Variants in ROBO2 observed in about 807,000 individuals in gnomAD.
ROBO2 encodes the protein roundabout guidance receptor 2.
Under a neutral mutation model 160.8 loss-of-function variants are expected in ROBO2, and 53 were observed. The observed-to-expected ratio is 0.33, with a 90% CI of 0.26 to 0.41. The LOEUF (loss-of-function observed/expected upper bound fraction) is 0.41. Ranked by LOEUF, ROBO2 falls within the 10% of genes least tolerant of loss-of-function variation. The pLI, the probability that ROBO2 is intolerant of heterozygous loss-of-function variation, is 1.00. For synonymous variants in ROBO2, 664 were observed against 611.7 expected (o/e 1.09, Z -1.26); for missense variants, 1,577 against 1,722.4 (o/e 0.92, Z 1.49).
At chr3:76,273,146 T>TATATATATATATATAC (rs1445165261) in intron 2 of ROBO2, among the ~76,000 whole-genome samples, 2 of 127,688 alleles carry the variant, frequency 1.6e-5, no homozygotes, top group African/African-American at 6.1e-5. Context: ...TATATATATA[T>TATATATATATATATAC]ACACATTTCT....
chr3:77,566,359 A>G (rs1261893891), intron 12 of ROBO2, among the ~76,000 whole-genome samples: 2 of 152,108 alleles, frequency 1.3e-5, no homozygotes, highest in African/African-American at 2.4e-5. Context: ...AAAAAGCACA[A>G]CAAGGAATTT....
At chr3:76,254,357 A>G (rs1426975302) in intron 2 of ROBO2, among the ~76,000 whole-genome samples, 1 of 152,108 alleles carries the variant, frequency 6.6e-6, no homozygotes, top group Non-Finnish European at 1.5e-5. Flanking sequence ...AGGCAGCAAA[A>G]GCTATTTGAT....
At chr3:76,701,345 T>C (rs938382475) in intron 2 of ROBO2, among the ~76,000 whole-genome samples, 2 of 152,104 alleles carry the variant, frequency 1.3e-5, no homozygotes, top group Admixed American at 6.6e-5. Context: ...AGTATGTTAG[T>C]GGCTTTTCAA....
intron 17 of ROBO2, among the ~76,000 whole-genome samples, chr3:77,590,542 T>C (rs539612684): frequency 7.9e-5 from 12 of 152,284 alleles, no homozygotes; most frequent in African/African-American, 2.9e-4. Flanking sequence ...GTATAAATCA[T>C]ATGAAATATA....
At chr3:76,036,212 T>G (rs2067101968) in intron 2 of ROBO2, among the ~76,000 whole-genome samples, 1 of 151,696 alleles carries the variant, frequency 6.6e-6, no homozygotes, top group African/African-American at 2.4e-5. Context: ...TGCAGTGGAG[T>G]GATCTCAGCT....
Position 77,508,022 on chromosome 3 carries a change from A to T in ROBO2, c.806+14640A>T, listed in dbSNP as rs560178119. ...GAAAATAATGAAATACTCCTTTCTG[A>T]TCATGATAAACCAAAGAAACCCTTT... On this transcript the variant is annotated intron_variant, in intron 5 of 25. Coordinates refer to ENST00000461745, the Ensembl canonical transcript of ROBO2. 6.6e-5 allele frequency among the ~76,000 whole-genome samples: 10 copies of T among 152,064 alleles called. No individual in the cohort carries two copies. In the East Asian group the frequency reaches 1.4e-3, roughly 21 times the overall value.
At chr3:77,395,409 G>A (rs931218102) in intron 2 of ROBO2, among the ~76,000 whole-genome samples, 8 of 152,252 alleles carry the variant, frequency 5.3e-5, no homozygotes, top group African/African-American at 1.9e-4. Flanking sequence ...GGAGTAGAAG[G>A]AGATTTATGC....
chr3:76,384,859 T>C (rs1257718370), intron 2 of ROBO2, among the ~76,000 whole-genome samples: 3 of 152,198 alleles, frequency 2.0e-5, no homozygotes, highest in Admixed American at 6.5e-5. Flanking sequence ...TTAGGGGAAC[T>C]ACAATTCAAA....
At chr3:76,222,602 C>A (rs938150226) in intron 2 of ROBO2, among the ~76,000 whole-genome samples, 3 of 152,026 alleles carry the variant, frequency 2.0e-5, no homozygotes, top group Non-Finnish European at 4.4e-5. Flanking sequence ...AGACAGTTAA[C>A]AACCATCTGA....
chr3:77,419,317 A>G (rs2153530525), intron 2 of ROBO2, among the ~76,000 whole-genome samples: 1 of 152,272 alleles, frequency 6.6e-6, no homozygotes, highest in South Asian at 2.1e-4. Context: ...AGCGTTTCAC[A>G]TGTATATCTC....
chr3:76,258,247 A>G (rs1433558147), intron 2 of ROBO2, among the ~76,000 whole-genome samples: 2 of 151,884 alleles, frequency 1.3e-5, no homozygotes, highest in East Asian at 1.9e-4. Flanking sequence ...ATATTCTTTA[A>G]TCTGTATATT....
At chr3:76,348,101 G>A (rs113479330) in intron 2 of ROBO2, among the ~76,000 whole-genome samples, 4 of 140,126 alleles carry the variant, frequency 2.9e-5, no homozygotes, top group Non-Finnish European at 4.4e-5. Flanking sequence ...CTTCAGCATC[G>A]TCCGCCCAAG....
At chr3:77,071,598 T>C (rs2067419693) in intron 1 of ROBO2, among the ~76,000 whole-genome samples, 1 of 152,152 alleles carries the variant, frequency 6.6e-6, no homozygotes, top group African/African-American at 2.4e-5. Context: ...ATTAAGCAGC[T>C]TGCCTGAGGG....
At chr3:76,559,462 C>A (rs1276599433) in intron 2 of ROBO2, among the ~76,000 whole-genome samples, 1 of 152,026 alleles carries the variant, frequency 6.6e-6, no homozygotes, top group African/African-American at 2.4e-5. Flanking sequence ...TTCGTTTTAA[C>A]CAATCAACCA....
intron 2 of ROBO2, among the ~76,000 whole-genome samples, chr3:76,911,598 GA>G (rs1186138117): frequency 6.6e-6 from 1 of 152,126 alleles, no homozygotes; most frequent in Non-Finnish European, 1.5e-5. Context: ...CCTATAATTA[GA>G]AAAGCACCTT....
intron 2 of ROBO2, among the ~76,000 whole-genome samples, chr3:76,368,699 T>C (rs2075957483): frequency 6.6e-6 from 1 of 151,930 alleles, no homozygotes; most frequent in Non-Finnish European, 1.5e-5. Flanking sequence ...CGATTTCTCT[T>C]TTGCCATTTT....
At chr3:77,356,260 C>A (rs1228748125) in intron 2 of ROBO2, among the ~76,000 whole-genome samples, 1 of 151,858 alleles carries the variant, frequency 6.6e-6, no homozygotes, top group East Asian at 1.9e-4. Context: ...AGTTACAAAA[C>A]AATTTGTTCA....
In ROBO2 at chr3:77,573,519, A is replaced by T. The variant is rs527334832; in HGVS notation, c.1972-980A>T. ...CAAAAAGTTGTCAAATTTTGTCAAGAATGGGACAATTGAAGAGTCAGAAGT... is the reference window on the plus strand; with the variant it reads ...CAAAAAGTTGTCAAATTTTGTCAAGTATGGGACAATTGAAGAGTCAGAAGT... On this transcript the variant is annotated intron_variant, in intron 13 of 25. Transcript: ENST00000461745. Among the ~76,000 whole-genome samples, 189 of 152,164 alleles carry T rather than the reference A, an allele frequency of 1.2e-3. 1 individual carries two copies. The highest frequency in any genetic ancestry group is 4.3e-3 in the African/African-American group (177 of 41,556).
intron 2 of ROBO2, among the ~76,000 whole-genome samples, chr3:76,977,233 G>A (rs1395041527): frequency 6.6e-6 from 1 of 152,258 alleles, no homozygotes; most frequent in East Asian, 1.9e-4. Flanking sequence ...CCAGTTTCAT[G>A]TTCACTGCCC....
Sources: gnomAD v4.1 joint callset for allele counts (sites outside exome capture counted in the v4.1 genomes callset) on GRCh38, gnomAD v4.1.1 for gene constraint, MANE v1.5 for transcripts, NCBI Gene and HGNC (gene_info 2026-07-23, HGNC 2026-07-21) for gene names.